The following IFI27 variants were observed in gnomAD, a reference collection of about 807,000 sequenced individuals.
The protein encoded by IFI27 is interferon alpha inducible protein 27.
A neutral mutation model predicts 8.9 loss-of-function variants in IFI27; 3 were observed. The observed-to-expected ratio is 0.34, with a 90% CI of 0.15 to 0.87. IFI27 has a LOEUF of 0.87. IFI27 is among the 40% of genes least tolerant of loss of function. The probability of loss-of-function intolerance (pLI) is 0.51; values close to 1 mark genes in which losing one functional copy is unlikely to be tolerated. For synonymous variants in IFI27, 66 were observed against 67.3 expected, an observed-to-expected ratio of 0.98 and a Z score of 0.09; for missense variants, 152 against 157.7, an observed-to-expected ratio of 0.96 and a Z score of 0.19.
At position 94,111,596 on chromosome 14, in the gene IFI27, C is replaced by T; in HGVS notation, c.-58-29C>T. 9.2e-7 allele frequency: 1 copy of T among 1,085,664 alleles called. No homozygotes were observed. Among genetic ancestry groups the T allele is most frequent in the Non-Finnish European group, 1.4e-6 (1 of 705,468 alleles). 67.3% of individuals were successfully genotyped at this position (1,085,664 alleles called of 1,614,324 possible). ...AAGCAAGTCAGGTTGTGTGCCCATC[C>T]CGTCCTCAGAGCTCCATCCCTTCGG... On this transcript the variant is annotated intron_variant, in intron 1 of 4. Transcript: ENST00000621160. This position sits in a 1 kb window ranked among gnomAD's most constrained non-coding sequence, Gnocchi z 4.3.
chr14:94,107,231 T>A (rs896343183), upstream of IFI27, among the ~76,000 whole-genome samples: 1 of 152,086 alleles, frequency 6.6e-6, no homozygotes, highest in Non-Finnish European at 1.5e-5. Flanking sequence ...CACCACGCCT[T>A]GCTAATCTTT....
At chr14:94,115,617 G>T in intron 3 of IFI27, 164 bp from the exon 4 acceptor site, 1 of 688,194 alleles carries the variant, frequency 1.5e-6, no homozygotes, top group Non-Finnish European at 2.4e-6. Flanking sequence ...TCCCCGCCTG[G>T]CTGTGCTCCC....
At position 94,116,187 on chromosome 14, in the gene IFI27, C is replaced by T. The variant is rs954458866; in HGVS notation, c.283+245C>T. On this transcript the variant is annotated intron_variant, in intron 4 of 4. Transcript: ENST00000621160. The surrounding 1 kb of genome is among the most constrained non-coding windows in gnomAD (Gnocchi z 4.3). ...TGGGTTACCTGGGGCGTCTCCTCCC[C>T]TCTGGGGTGCAGCCTCCTTCCCTGA... 86 of 698,572 alleles carry T rather than the reference C, an allele frequency of 1.2e-4. 3 individuals are homozygous for T. The South Asian group carries it at 1.3e-3, about 11-fold the overall frequency. The allele number at this position is 698,572 out of a possible 1,614,324, so 43.3% of individuals were successfully genotyped here.
rs990199485 is a variant in IFI27 at position 94,114,985 on chromosome 14, C to T, written c.121+105C>T. ...CCAATGTTTCCCTCACATGGGTGGT[C>T]AGGGGAGGAGGTGGGGATGAGGGGC... On this transcript the variant is annotated intron_variant, in intron 3 of 4. Transcript: ENST00000621160. 3.8e-6 allele frequency: 4 copies of T among 1,058,946 alleles called. No individual in the cohort carries two copies. In the African/African-American group the frequency reaches 6.2e-5, roughly 16 times the overall value. 65.6% of individuals were successfully genotyped at this position (1,058,946 alleles called of 1,614,324 possible).
chr14:94,107,763 C>T (rs1887033745), upstream of IFI27, among the ~76,000 whole-genome samples: 1 of 152,040 alleles, frequency 6.6e-6, no homozygotes, highest in African/African-American at 2.4e-5. Flanking sequence ...TGATCCACCA[C>T]ATTTTATTTT....
chr14:94,111,517 T>C lies in IFI27; in HGVS notation c.-58-108T>C. On this transcript the variant is annotated intron_variant, in intron 1 of 4. Coordinates refer to ENST00000621160, the Ensembl canonical transcript of IFI27. This position sits in a 1 kb window ranked among gnomAD's most constrained non-coding sequence, Gnocchi z 4.3. ...TTTCAAGGCCTGCTGCTCCACAAGC[T>C]CAGAGCAGCCTCCCTAGCCCCCTGG... The C allele has an allele frequency of 1.6e-6, 1 of 626,808 alleles. No individual in the cohort carries two copies. Among genetic ancestry groups the C allele is most frequent in the Non-Finnish European group, 2.9e-6 (1 of 345,338 alleles). 38.8% of individuals were successfully genotyped at this position (626,808 alleles called of 1,614,324 possible).
intron 3 of IFI27, chr14:94,115,441 C>T: frequency 3.4e-6 from 2 of 581,584 alleles, no homozygotes; most frequent in South Asian, 3.1e-5. Flanking sequence ...ATTTGCTCCC[C>T]AGCAAAGATA....
At chr14:94,114,601 C>G in intron 2 of IFI27, 1 of 525,090 alleles carries the variant, frequency 1.9e-6, no homozygotes, top group African/African-American at 1.9e-5. Flanking sequence ...ATCAACCAAC[C>G]AATCAACTAG....
rs1887395506 is a variant in IFI27, at chr14:94,116,050, G to A, written c.283+108G>A. The stretch of plus-strand genomic sequence containing the variant: ...TGAACCTCAATCTCCCTGTTCCTCT[G>A]TCTCTCTCTACACATTCTCTCAGGG... On this transcript the variant is annotated intron_variant, in intron 4 of 4. Coordinates refer to ENST00000621160, the Ensembl canonical transcript of IFI27. The surrounding 1 kb of genome is among the most constrained non-coding windows in gnomAD (Gnocchi z 4.3). The A allele has an allele frequency of 8.9e-7, 1 of 1,125,744 alleles. No individual in the cohort carries two copies. Among genetic ancestry groups the A allele is most frequent in the South Asian group, 1.3e-5 (1 of 75,736 alleles). The allele number at this position is 1,125,744 out of a possible 1,614,324, so 69.7% of individuals were successfully genotyped here.
chr14:94,106,887 G>C (rs904308213), upstream of IFI27, among the ~76,000 whole-genome samples: 3 of 145,194 alleles, frequency 2.1e-5, no homozygotes, highest in African/African-American at 7.9e-5. Flanking sequence ...ACTCATTACT[G>C]TGAGGACAGT....
Position 94,116,557 on chromosome 14 carries a change from A to G in IFI27, c.*30A>G. 1 of 1,574,376 alleles carries G rather than the reference A, an allele frequency of 6.4e-7. No individual in the cohort carries two copies. The highest frequency in any genetic ancestry group is 8.7e-7 in the Non-Finnish European group (1 of 1,150,256). ...CTGCCCCTCGCCCTGCAGAGAAGAGAACCATGCCAGGGGAGAAGGCACCCA... is the reference window on the plus strand; with the variant it reads ...CTGCCCCTCGCCCTGCAGAGAAGAGGACCATGCCAGGGGAGAAGGCACCCA... On this transcript the variant is annotated 3_prime_UTR_variant, in exon 5 of 5. Transcript: ENST00000621160. The surrounding 1 kb of genome is among the most constrained non-coding windows in gnomAD (Gnocchi z 4.3).
upstream of IFI27, among the ~76,000 whole-genome samples, chr14:94,110,267 G>C (rs1309542005): frequency 6.6e-6 from 1 of 152,218 alleles, no homozygotes; most frequent in Non-Finnish European, 1.5e-5. Flanking sequence ...GGTAAACTCT[G>C]TGAGGATGGA....
chr14:94,116,038 C>T lies in IFI27; in HGVS notation c.283+96C>T, dbSNP rs1162157245. 8.4e-7 allele frequency: 1 copy of T among 1,190,810 alleles called. No homozygotes were observed. The highest frequency in any genetic ancestry group is 2.0e-5 in the Admixed American group (1 of 50,602). 73.8% of individuals were successfully genotyped at this position (1,190,810 alleles called of 1,614,324 possible). On this transcript the variant is annotated intron_variant, in intron 4 of 4. Transcript: ENST00000621160. The surrounding 1 kb of genome is among the most constrained non-coding windows in gnomAD (Gnocchi z 4.3). Reference sequence around the variant, plus strand: ...ATCTCAACCCTATGAACCTCAATCTCCCTGTTCCTCTGTCTCTCTCTACAC... The same window carrying T: ...ATCTCAACCCTATGAACCTCAATCTTCCTGTTCCTCTGTCTCTCTCTACAC...
In IFI27 at chr14:94,116,672, T is replaced by G; in HGVS notation, c.*145T>G. 3.1e-6 allele frequency: 2 copies of G among 651,242 alleles called. No homozygotes were observed. The highest frequency in any genetic ancestry group is 5.5e-6 in the Non-Finnish European group (2 of 363,646). 40.3% of individuals were successfully genotyped at this position (651,242 alleles called of 1,614,324 possible). On this transcript the variant is annotated 3_prime_UTR_variant, in exon 5 of 5. Transcript: ENST00000621160. The surrounding 1 kb of genome is among the most constrained non-coding windows in gnomAD (Gnocchi z 4.3). ...TGCATCTCCAGAGGAAAATAAGAAA[T>G]AAAGATGAATTGTTGCAACTCTTCC...
chr14:94,115,466 C>A, intron 3 of IFI27: 1 of 608,392 alleles, frequency 1.6e-6, no homozygotes, highest in South Asian at 1.6e-5. Context: ...ACTTGCCAAC[C>A]ACTCCCCTGG....
Position 94,114,897 on chromosome 14 carries a change from G to A in IFI27, c.121+17G>A, listed in dbSNP as rs147099386. 575 of 1,613,568 alleles carry A rather than the reference G, an allele frequency of 3.6e-4. 2 individuals carry two copies. The Middle Eastern group carries it at 0.014, about 40-fold the overall frequency. On this transcript the variant is annotated intron_variant, in intron 3 of 4. Transcript: ENST00000621160. ...TTGGAGGAGGTGAGTCTGTGGGGAA[G>A]GGGCTCAAGTAACCACCTGCCCCTA... is the stretch of plus-strand genomic sequence containing the variant.
intron 2 of IFI27, chr14:94,112,341 T>C: frequency 6.3e-6 from 1 of 158,340 alleles, no homozygotes; most frequent in Admixed American, 6.1e-5. Context: ...TTTTGCAGAA[T>C]GGGTATTGTG....
chr14:94,114,573 T>C (rs1887316235), intron 2 of IFI27: 3 of 498,010 alleles, frequency 6.0e-6, no homozygotes, highest in South Asian at 3.6e-5. Context: ...AAAGAAAAGA[T>C]AACATCTGAT....
At chr14:94,107,267 C>T (rs977029062), upstream of IFI27, among the ~76,000 whole-genome samples, 11 of 152,278 alleles carry the variant, frequency 7.2e-5, no homozygotes, top group African/African-American at 2.6e-4. Context: ...GACAGGGTTT[C>T]ACCATGTCGG....
Sources: gnomAD v4.1 joint callset for allele counts (sites outside exome capture counted in the v4.1 genomes callset) on GRCh38, gnomAD v4.1.1 for gene constraint, Gnocchi (gnomAD v3.1) non-coding constraint, MANE v1.5 for transcripts, NCBI Gene and HGNC (gene_info 2026-07-23, HGNC 2026-07-21) for gene names.